Variants in FGD5 observed in about 807,000 individuals in gnomAD.
FGD5 encodes FYVE, RhoGEF and PH domain containing 5.
A neutral mutation model predicts 133.4 loss-of-function variants in FGD5; 28 were observed. The ratio of observed to expected loss-of-function variants is 0.21; its 90% CI spans 0.16 to 0.29. The LOEUF (loss-of-function observed/expected upper bound fraction) is 0.29. Ranked by LOEUF, FGD5 falls within the 10% of genes least tolerant of loss-of-function variation. FGD5 has a pLI of 1.00. For missense variants in FGD5, 1,858 were observed against 1,895.2 expected, an observed-to-expected ratio of 0.98 and a Z score of 0.36; for synonymous variants, 810 against 776.5, an observed-to-expected ratio of 1.04 and a Z score of -0.72.
intron 2 of FGD5, among the ~76,000 whole-genome samples, chr3:14,876,176 C>T (rs1225065397): frequency 6.6e-6 from 1 of 152,162 alleles, no homozygotes; most frequent in African/African-American, 2.4e-5. Context: ...TCCTGAGGGA[C>T]AGGCCAAAAG....
At chr3:14,914,179 T>A (rs895058513) in intron 11 of FGD5, among the ~76,000 whole-genome samples, 1 of 152,184 alleles carries the variant, frequency 6.6e-6, no homozygotes, top group Non-Finnish European at 1.5e-5. Flanking sequence ...AGTGCCATGG[T>A]GAACAAACAC....
chr3:14,918,954 C>T (rs2038618514), intron 13 of FGD5, 121 bp downstream of exon 13: 3 of 1,074,958 alleles, frequency 2.8e-6, no homozygotes, highest in Admixed American at 4.7e-5. Context: ...AAGTATCCTT[C>T]TGGGTCAAAG....
rs1430909399 is a variant in FGD5 at position 14,844,215 on chromosome 3, AAAATATATATATATATATATATATAT to A, written c.2526-19911_2526-19886del. 7.6e-4 allele frequency among the ~76,000 whole-genome samples: 21 copies of A among 27,502 alleles called. 3 individuals carry two copies. Among genetic ancestry groups the A allele is most frequent in the African/African-American group, 2.0e-3 (13 of 6,344 alleles). 18.0% of individuals were successfully genotyped at this position (27,502 alleles called of 152,430 possible). A position where few individuals can be genotyped will look rare whatever the true frequency, so the allele number is the denominator to read the frequency against. On this transcript the variant is annotated intron_variant, in intron 1 of 19. Transcript: ENST00000285046. ...ATCTTAATAGGCATTAAAAAAAAAAAAAATATATATATATATATATATATATATATATATATATATATATATATATA... is the reference window on the plus strand; with the variant it reads ...ATCTTAATAGGCATTAAAAAAAAAAAATATATATATATATATATATATATA...
At chr3:14,881,453 G>A (rs2037823097) in intron 4 of FGD5, among the ~76,000 whole-genome samples, 3 of 152,324 alleles carry the variant, frequency 2.0e-5, no homozygotes, top group East Asian at 1.9e-4. Flanking sequence ...CCCAGGAGCT[G>A]TCTGGCCAGC....
chr3:14,932,595 A>T lies in FGD5; in HGVS notation c.4216A>T (p.Ser1406Cys). 1 of 1,613,688 alleles carries T rather than the reference A, an allele frequency of 6.2e-7. No homozygotes were observed. Reference protein sequence around the residue: ...MASEDKVALESMPLLGFTIAP... With the variant: ...MASEDKVALECMPLLGFTIAP... ...TCTGCAGGACAAAGTGGCCTTGGAG[A>T]GTATGCCTCTGCTAGGCTTCACCAT... Residue 1406 changes from serine to cysteine, a missense_variant, in exon 19 of 20, where the codon AGT (serine) becomes TGT (cysteine). Transcript: ENST00000285046.
chr3:14,917,418 C>T lies in FGD5; in HGVS notation c.3489+86C>T. On this transcript the variant is annotated intron_variant, in intron 12 of 19. Coordinates refer to ENST00000285046, the MANE Select transcript of FGD5 (RefSeq NM_152536.4). This position sits in a 1 kb window ranked among gnomAD's most constrained non-coding sequence, Gnocchi z 4.1. ...GGACAGCATCCTGCTCCCAGGAGCA[C>T]CCAGACCAGCTGGAAGAGGGAGGCC... 2 of 1,243,342 alleles carry T rather than the reference C, an allele frequency of 1.6e-6. No homozygotes were observed. Among genetic ancestry groups the T allele is most frequent in the Non-Finnish European group, 2.3e-6 (2 of 876,948 alleles). The allele number at this position is 1,243,342 out of a possible 1,614,324, so 77.0% of individuals were successfully genotyped here.
chr3:14,899,578 A>G (rs1355427439), intron 7 of FGD5, among the ~76,000 whole-genome samples: 4 of 152,240 alleles, frequency 2.6e-5, no homozygotes, highest in East Asian at 1.9e-4. Context: ...GCCAAGGACT[A>G]GAGAATTCAT....
Position 14,898,008 on chromosome 3 carries a change from C to T in FGD5, c.2979C>T (p.His993=), listed in dbSNP as rs771303489. The T allele has an allele frequency of 2.7e-5, 44 of 1,613,884 alleles. No individual in the cohort carries two copies. Among genetic ancestry groups the T allele is most frequent in the Admixed American group, 8.3e-5 (5 of 60,008 alleles). ...REQGFDHHAT[H]ILQFDRYLGL... ...AGGGGTTTGATCACCACGCCACTCA[C>T]ATCCTGCAGTTCGACAGGTACCTAG... Residue 993 remains histidine, a synonymous_variant, in exon 6 of 20, where the codon CAC becomes CAT. Coordinates refer to ENST00000285046, the MANE Select transcript of FGD5 (RefSeq NM_152536.4).
chr3:14,843,629 T>A (rs1291654706), intron 1 of FGD5, among the ~76,000 whole-genome samples: 1 of 151,018 alleles, frequency 6.6e-6, no homozygotes, highest in African/African-American at 2.4e-5. Context: ...GGCACCAGTC[T>A]GCTGGCTGGA....
chr3:14,863,522 G>C (rs910164733), intron 1 of FGD5, among the ~76,000 whole-genome samples: 1 of 152,204 alleles, frequency 6.6e-6, no homozygotes, highest in African/African-American at 2.4e-5. Context: ...AACGCCTGTG[G>C]AGAGTAGTCA....
At chr3:14,878,218 C>A (rs1437378126) in intron 2 of FGD5, among the ~76,000 whole-genome samples, 1 of 152,176 alleles carries the variant, frequency 6.6e-6, no homozygotes, top group African/African-American at 2.4e-5. Context: ...TTATTCTCTA[C>A]CAGATCTCAG....
At position 14,897,675 on chromosome 3, in the gene FGD5, C is replaced by T. The variant is rs193203179; in HGVS notation, c.2909+6C>T. 2.6e-4 allele frequency: 415 copies of T among 1,599,624 alleles called. 1 individual carries two copies. The African/African-American group carries it at 4.8e-3, about 19-fold the overall frequency. ...GAGGAAAGGCTGTCAAATTGGTGAG[C>T]AGTCCCTGGACCCCCGGGTTCCACT... On this transcript the variant is annotated splice_donor_region_variant and intron_variant, in intron 5 of 19. Coordinates refer to ENST00000285046, the MANE Select transcript of FGD5 (RefSeq NM_152536.4).
intron 1 of FGD5, among the ~76,000 whole-genome samples, chr3:14,841,956 G>A (rs972494426): frequency 1.3e-5 from 2 of 152,204 alleles, no homozygotes; most frequent in Admixed American, 6.5e-5. Context: ...TTTGGCTTCC[G>A]TCTCTGCTCG....
chr3:14,839,177 G>A (rs1408195045), intron 1 of FGD5, among the ~76,000 whole-genome samples: 2 of 152,202 alleles, frequency 1.3e-5, no homozygotes, highest in Non-Finnish European at 2.9e-5. Flanking sequence ...AGGCTTCTGG[G>A]GACATTTGAC....
intron 17 of FGD5, among the ~76,000 whole-genome samples, chr3:14,925,762 G>A (rs188560414): frequency 3.9e-5 from 6 of 152,324 alleles, no homozygotes; most frequent in East Asian, 3.9e-4. Context: ...ACCTTTCGCC[G>A]AAGTACCTGA....
At chr3:14,918,148 G>C (rs571614096) in intron 12 of FGD5, among the ~76,000 whole-genome samples, 1 of 152,366 alleles carries the variant, frequency 6.6e-6, no homozygotes, top group Non-Finnish European at 1.5e-5. Flanking sequence ...TCCTGAAGAT[G>C]GGAACACTTG....
chr3:14,898,879 C>T lies in FGD5; in HGVS notation c.3154+53C>T, dbSNP rs1349383786. The T allele has an allele frequency of 4.0e-6, 6 of 1,497,242 alleles. No homozygotes were observed. The Admixed American group carries it at 1.2e-4, about 29-fold the overall frequency. The allele number at this position is 1,497,242 out of a possible 1,614,324, so 92.7% of individuals were successfully genotyped here. On this transcript the variant is annotated intron_variant, in intron 7 of 19. Transcript: ENST00000285046. ...CTGAGGCGGCAGGGCAGGGAAGGCC[C>T]CTGAGGAGGGGTGGAGGGGACTGTG...
At chr3:14,918,911 G>T in intron 13 of FGD5, 78 bp downstream of exon 13, 3 of 1,486,418 alleles carry the variant, frequency 2.0e-6, no homozygotes, top group Non-Finnish European at 2.8e-6. Flanking sequence ...AGATAAGGAT[G>T]TGCTGTTTTT....
At chr3:14,813,197 G>T (rs1280913014) in intron 1 of FGD5, among the ~76,000 whole-genome samples, 1 of 152,186 alleles carries the variant, frequency 6.6e-6, no homozygotes, top group Non-Finnish European at 1.5e-5. Context: ...AAAAAAGGGG[G>T]TATTTCATCA....
Sources: allele counts gnomAD v4.1 joint callset (sites outside exome capture counted in the v4.1 genomes callset), GRCh38; gene constraint gnomAD v4.1.1; non-coding constraint Gnocchi (gnomAD v3.1); transcripts MANE v1.5; gene names NCBI Gene and HGNC (gene_info 2026-07-23, HGNC 2026-07-21).